MBNL2: variants seen among roughly 807,000 people sequenced by gnomAD.
MBNL2 encodes muscleblind like splicing regulator 2, also known as muscleblind-like protein 2.
MBNL2 carries 17 observed loss-of-function variants against 41.9 expected under a neutral mutation model. That is an observed-to-expected ratio of 0.41 (90% CI 0.28 to 0.61). The LOEUF is 0.61. MBNL2 is among the 20% of genes least tolerant of loss of function. MBNL2 has a pLI of 0.35. For missense variants in MBNL2, 336 were observed against 505.6 expected (o/e 0.66, Z 3.22); for synonymous variants, 195 against 182.9 (o/e 1.07, Z -0.53).
intron 2 of MBNL2, among the ~76,000 whole-genome samples, chr13:97,287,727 T>C (rs7998827): frequency 0.48 from 60,325 of 125,088 alleles, 15,614 homozygotes; most frequent in East Asian, 0.62. Flanking sequence ...TTTTCTTTTT[T>C]TTTTTTTTTT....
chr13:97,278,251 CAAAAAAAAAAA>C (rs10606011), intron 2 of MBNL2, among the ~76,000 whole-genome samples: 3 of 40,514 alleles, frequency 7.4e-5, no homozygotes, highest in Non-Finnish European at 1.2e-4. Flanking sequence ...GAGACTGTCT[CAAAAAAAAAAA>C]AAAAAAAAAA....
the MBNL2 span, among the ~76,000 whole-genome samples, chr13:97,174,296 TTCTG>T: frequency 6.6e-6 from 1 of 152,220 alleles, no homozygotes; most frequent in African/African-American, 2.4e-5. Flanking sequence ...ACCTGATTTC[TTCTG>T]TCTGTCTTCT....
intron 2 of MBNL2, among the ~76,000 whole-genome samples, chr13:97,319,386 G>A (rs529464180): frequency 5.6e-4 from 86 of 152,238 alleles, no homozygotes; most frequent in South Asian, 1.9e-3. Context: ...ATGACCAAGG[G>A]CACTAAAGGC....
intron 2 of MBNL2, among the ~76,000 whole-genome samples, chr13:97,291,978 G>T (rs953700614): frequency 6.6e-6 from 1 of 151,026 alleles, no homozygotes; most frequent in Non-Finnish European, 1.5e-5. Flanking sequence ...CGAGGTGGGC[G>T]GATAAGGAGG....
intron 4 of MBNL2, among the ~76,000 whole-genome samples, chr13:97,343,998 G>T (rs1178850975): frequency 6.6e-6 from 1 of 152,126 alleles, no homozygotes; most frequent in Non-Finnish European, 1.5e-5. Context: ...TAGAGACAGG[G>T]TTTCTCCATG....
chr13:97,314,856 T>G (rs889858108), intron 2 of MBNL2, among the ~76,000 whole-genome samples: 3 of 152,224 alleles, frequency 2.0e-5, no homozygotes, highest in Non-Finnish European at 2.9e-5. Flanking sequence ...CTGTGACCAC[T>G]GATAAACTAT....
At chr13:97,200,274 C>T in the MBNL2 span, among the ~76,000 whole-genome samples, 1 of 152,204 alleles carries the variant, frequency 6.6e-6, no homozygotes, top group Non-Finnish European at 1.5e-5. Context: ...CTGAGCCACA[C>T]CTACCAGGTG....
At chr13:97,163,158 G>A in the MBNL2 span, among the ~76,000 whole-genome samples, 1 of 152,226 alleles carries the variant, frequency 6.6e-6, no homozygotes, top group South Asian at 2.1e-4. Context: ...CAGCATCAGG[G>A]CGTAGGGTCC....
rs1428359849 is a variant in MBNL2, at chr13:97,285,735, A to C, written c.174+9326A>C. Among the ~76,000 whole-genome samples the C allele has an allele frequency of 7.9e-4, 120 of 151,208 alleles. 2 individuals carry two copies. The highest frequency in any genetic ancestry group is 2.4e-4 in the Non-Finnish European group (16 of 68,026). On this transcript the variant is annotated intron_variant, in intron 2 of 8. Coordinates refer to ENST00000679496, the MANE Select transcript of MBNL2 (RefSeq NM_001382683.1). Reference sequence around the variant, plus strand: ...AACAGCATACATTGTTTCTTCCATCAATAGAGATCATTGAGGGCACAGTGA... The same window carrying C: ...AACAGCATACATTGTTTCTTCCATCCATAGAGATCATTGAGGGCACAGTGA...
chr13:97,334,148 C>CA lies in MBNL2; in HGVS notation c.175-128_175-127insA, dbSNP rs2060676428. On this transcript the variant is annotated intron_variant, in intron 2 of 8. Coordinates refer to ENST00000679496, the MANE Select transcript of MBNL2 (RefSeq NM_001382683.1). The surrounding 1 kb of genome is among the most constrained non-coding windows in gnomAD (Gnocchi z 5.3). ...AACACATGAGCATGCGCGCGCACAC[C>CA]CACACACACACACACACACACACAC... is the stretch of plus-strand genomic sequence containing the variant. The CA allele has an allele frequency of 2.2e-4, 123 of 547,430 alleles. No homozygotes were observed. In the African/African-American group the frequency reaches 2.4e-3, roughly 11 times the overall value. The allele number at this position is 547,430 out of a possible 1,614,324, so 33.9% of individuals were successfully genotyped here. A position where few individuals can be genotyped will look rare whatever the true frequency, so the allele number is the denominator to read the frequency against.
At chr13:97,386,562 T>C (rs1056081637) in intron 8 of MBNL2, among the ~76,000 whole-genome samples, 4 of 152,188 alleles carry the variant, frequency 2.6e-5, no homozygotes, top group Non-Finnish European at 5.9e-5. Context: ...GGTCCACTTT[T>C]TAGTAAGGTT....
intron 1 of MBNL2, among the ~76,000 whole-genome samples, chr13:97,241,950 T>C (rs181573182): frequency 6.6e-6 from 1 of 152,006 alleles, no homozygotes; most frequent in African/African-American, 2.4e-5. Context: ...CAAAAGCCAA[T>C]AGGAGGAAAT....
the MBNL2 span, among the ~76,000 whole-genome samples, chr13:97,194,527 T>C: frequency 3.5e-4 from 54 of 152,288 alleles, no homozygotes; most frequent in African/African-American, 1.3e-3. Context: ...CCATAGCAAC[T>C]TCGTCTTGAA....
chr13:97,226,261 T>C (rs985436108), intron 1 of MBNL2, among the ~76,000 whole-genome samples: 1 of 152,210 alleles, frequency 6.6e-6, no homozygotes, highest in Middle Eastern at 3.2e-3. Flanking sequence ...CTGAGGCTGA[T>C]GGACGAGTTT....
intron 1 of MBNL2, among the ~76,000 whole-genome samples, chr13:97,246,971 T>C (rs1299954557): frequency 3.3e-5 from 5 of 152,140 alleles, no homozygotes; most frequent in African/African-American, 4.8e-5. Flanking sequence ...GGGAAGAAAG[T>C]GTTGAGTAGC....
At chr13:97,224,317 T>G (rs1047002827) in intron 1 of MBNL2, among the ~76,000 whole-genome samples, 2 of 152,140 alleles carry the variant, frequency 1.3e-5, no homozygotes, top group African/African-American at 4.8e-5. Flanking sequence ...AAAATCATCA[T>G]GTCCTAGCAC....
At chr13:97,202,179 G>T in the MBNL2 span, among the ~76,000 whole-genome samples, 2 of 152,206 alleles carry the variant, frequency 1.3e-5, no homozygotes, top group African/African-American at 4.8e-5. Flanking sequence ...ATAACATTGT[G>T]TTGGGCTGGA....
intron 1 of MBNL2, among the ~76,000 whole-genome samples, chr13:97,275,061 T>C (rs1222936264): frequency 2.6e-5 from 4 of 152,108 alleles, no homozygotes; most frequent in African/African-American, 9.7e-5. Flanking sequence ...TGTTGCAGTG[T>C]AAATAGGAAG....
the MBNL2 span, among the ~76,000 whole-genome samples, chr13:97,177,055 T>A: frequency 6.6e-6 from 1 of 152,190 alleles, no homozygotes; most frequent in Non-Finnish European, 1.5e-5. Flanking sequence ...AGAGACACTT[T>A]GGCCAGGTGT....
Sources: allele counts gnomAD v4.1 joint callset (sites outside exome capture counted in the v4.1 genomes callset), GRCh38; gene constraint gnomAD v4.1.1; non-coding constraint Gnocchi (gnomAD v3.1); transcripts MANE v1.5; gene names NCBI Gene and HGNC (gene_info 2026-07-23, HGNC 2026-07-21).